Variants in VPS13A observed in about 807,000 individuals in gnomAD.
VPS13A encodes intermembrane lipid transfer protein VPS13A.
Under a neutral mutation model 390.9 loss-of-function variants are expected in VPS13A, and 264 were observed. The ratio of observed to expected loss-of-function variants is 0.68; its 90% CI spans 0.61 to 0.75. The LOEUF (loss-of-function observed/expected upper bound fraction) is 0.75. VPS13A is among the 30% of genes least tolerant of loss of function. The pLI is 0.00. For synonymous variants in VPS13A, 1,231 were observed against 1,227.1 expected, an observed-to-expected ratio of 1.00 and a Z score of -0.07; for missense variants, 3,409 against 3,733.9, an observed-to-expected ratio of 0.91 and a Z score of 2.27.
chr9:77,195,050 C>A (rs571722759), intron 1 of VPS13A, among the ~76,000 whole-genome samples: 2 of 152,284 alleles, frequency 1.3e-5, no homozygotes, highest in South Asian at 4.1e-4. Flanking sequence ...TTGCAAAATG[C>A]AGTGTCACAG....
chr9:77,269,924 T>G (rs1826253219), intron 23 of VPS13A, among the ~76,000 whole-genome samples: 1 of 152,102 alleles, frequency 6.6e-6, no homozygotes, highest in African/African-American at 2.4e-5. Context: ...AAAAGGAAAT[T>G]TGGTCTCACA....
intron 35 of VPS13A, among the ~76,000 whole-genome samples, chr9:77,310,688 T>C (rs1423136481): frequency 6.6e-6 from 1 of 152,128 alleles, no homozygotes; most frequent in African/African-American, 2.4e-5. Flanking sequence ...GTAAATGTTA[T>C]GAACTATGAT....
At position 77,420,712 on chromosome 9, in the gene VPS13A, C is replaced by G. The variant is rs1014660199; in HGVS notation, c.*4706C>G. 1 of 152,100 alleles carries G rather than the reference C, an allele frequency of 6.6e-6. No homozygotes were observed. The highest frequency in any genetic ancestry group is 2.4e-5 in the African/African-American group (1 of 41,414). 9.4% of individuals were successfully genotyped at this position (152,100 alleles called of 1,614,324 possible). A position where few individuals can be genotyped will look rare whatever the true frequency, so the allele number is the denominator to read the frequency against. ...TACTCTGATATGTTAATAATGTATTCCTTCTAATGAAGTCCTTGTAACAAG... is the reference window on the plus strand; with the variant it reads ...TACTCTGATATGTTAATAATGTATTGCTTCTAATGAAGTCCTTGTAACAAG... On this transcript the variant is annotated 3_prime_UTR_variant, in exon 72 of 72. Transcript: ENST00000360280.
intron 45 of VPS13A, among the ~76,000 whole-genome samples, chr9:77,324,565 A>G (rs1472370318): frequency 6.6e-6 from 1 of 152,202 alleles, no homozygotes; most frequent in African/African-American, 2.4e-5. Flanking sequence ...TATTAGATCA[A>G]CCTTGCATTC....
chr9:77,189,516 G>A (rs934252518), intron 1 of VPS13A, among the ~76,000 whole-genome samples: 6 of 152,220 alleles, frequency 3.9e-5, no homozygotes, highest in African/African-American at 1.4e-4. Flanking sequence ...TTTTAGTATA[G>A]GTTGAAGTCA....
chr9:77,408,258 T>C (rs1356969332), intron 71 of VPS13A, among the ~76,000 whole-genome samples: 1 of 152,252 alleles, frequency 6.6e-6, no homozygotes, highest in African/African-American at 2.4e-5. Context: ...ACTGAAGTGC[T>C]ATTCAGAATG....
chr9:77,180,605 T>C (rs962065684), intron 1 of VPS13A, among the ~76,000 whole-genome samples: 4 of 152,214 alleles, frequency 2.6e-5, no homozygotes, highest in Non-Finnish European at 5.9e-5. Flanking sequence ...ATAAGGTGTG[T>C]GATATGTGTT....
intron 71 of VPS13A, 142 bp from the exon 72 acceptor site, chr9:77,415,814 T>C (rs1424242067): frequency 2.2e-6 from 2 of 910,856 alleles, no homozygotes; most frequent in East Asian, 2.8e-5. Flanking sequence ...TGATCTCTTT[T>C]GCAGGATGAA....
At chr9:77,293,540 A>G (rs1393023241) in intron 32 of VPS13A, 32 bp downstream of exon 32, 3 of 1,254,262 alleles carry the variant, frequency 2.4e-6, no homozygotes, top group Admixed American at 3.1e-5. Context: ...TATTTATTTT[A>G]TACTAATTGG....
intron 32 of VPS13A, 58 bp from the exon 33 acceptor site, chr9:77,295,484 A>G: frequency 2.2e-6 from 3 of 1,381,996 alleles, no homozygotes; most frequent in Non-Finnish European, 2.9e-6. Context: ...ATATCAATAT[A>G]TATTTAATAA....
At chr9:77,385,489 CTA>C (rs1034984859) in intron 68 of VPS13A, among the ~76,000 whole-genome samples, 3 of 151,802 alleles carry the variant, frequency 2.0e-5, no homozygotes, top group South Asian at 2.1e-4. Flanking sequence ...GTAAACATAA[CTA>C]TATATATTTT....
At chr9:77,263,459 T>A (rs1825867831) in intron 23 of VPS13A, among the ~76,000 whole-genome samples, 1 of 152,148 alleles carries the variant, frequency 6.6e-6, no homozygotes, top group African/African-American at 2.4e-5. Context: ...AGATGGTATC[T>A]CATTGTTGTT....
chr9:77,274,426 C>CAAA (rs889400152), intron 24 of VPS13A, among the ~76,000 whole-genome samples: 986 of 62,200 alleles, frequency 0.016, 9 homozygotes, highest in Non-Finnish European at 0.024. Context: ...GAGTCCGAAT[C>CAAA]AAAAAAAAAA....
intron 69 of VPS13A, among the ~76,000 whole-genome samples, chr9:77,405,445 T>C (rs912259772): frequency 6.6e-6 from 1 of 152,238 alleles, no homozygotes; most frequent in Non-Finnish European, 1.5e-5. Flanking sequence ...CCTTACATAT[T>C]TGATTTTGTA....
chr9:77,337,777 T>A (rs1395998709), intron 47 of VPS13A: 1 of 417,450 alleles, frequency 2.4e-6, no homozygotes, highest in Non-Finnish European at 4.2e-6. Flanking sequence ...TAGTGCTGAT[T>A]TTCTTAAAAG....
chr9:77,343,256 G>A (rs1373386448), intron 50 of VPS13A, among the ~76,000 whole-genome samples: 2 of 152,184 alleles, frequency 1.3e-5, no homozygotes. Context: ...TGCCCTGGCT[G>A]TGCGCAAAGT....
chr9:77,406,889 C>T, intron 70 of VPS13A, among the ~76,000 whole-genome samples: 1 of 152,124 alleles, frequency 6.6e-6, no homozygotes, highest in East Asian at 1.9e-4. Flanking sequence ...TCAATAGTTT[C>T]ACTTCTGTTT....
chr9:77,353,561 T>G lies in VPS13A; in HGVS notation c.7572T>G (p.Ile2524Met), dbSNP rs1587644390. ...SEKAELAEQE[I>M]AVALQDVGIS... The stretch of plus-strand genomic sequence containing the variant: ...AAGCAGAGTTAGCAGAGCAAGAAAT[T>G]GCAGTGGCATTACAAGATGTTGGAA... Residue 2524 changes from isoleucine (I) to methionine (M), a missense_variant, in exon 54 of 72, where the codon ATT (isoleucine) becomes ATG (methionine). Ile to Met is a conservative substitution (Grantham distance 10, BLOSUM62 1). Coordinates refer to ENST00000360280, the MANE Select transcript of VPS13A (RefSeq NM_033305.3). The G allele has an allele frequency of 6.2e-7, 1 of 1,613,406 alleles. No individual in the cohort carries two copies. The highest frequency in any genetic ancestry group is 1.7e-5 in the Admixed American group (1 of 59,960).
chr9:77,364,469 C>T (rs1201077337), intron 59 of VPS13A, among the ~76,000 whole-genome samples: 1 of 152,034 alleles, frequency 6.6e-6, no homozygotes, highest in East Asian at 1.9e-4. Context: ...AGGAAGCCCC[C>T]GCCTCACAGT....
Sources: allele counts gnomAD v4.1 joint callset (sites outside exome capture counted in the v4.1 genomes callset), GRCh38; gene constraint gnomAD v4.1.1; transcripts MANE v1.5; gene names NCBI Gene and HGNC (gene_info 2026-07-23, HGNC 2026-07-21).